Variants in ASMTL observed in about 807,000 individuals in gnomAD.
The protein encoded by ASMTL is probable bifunctional dTTP/UTP pyrophosphatase/methyltransferase protein.
Under a neutral mutation model 60.3 loss-of-function variants are expected in ASMTL, and 57 were observed. The observed-to-expected ratio is 0.95, with a 90% CI of 0.76 to 1.18. ASMTL has a LOEUF of 1.18. Ranked by LOEUF, ASMTL falls within the 50% of genes most tolerant of loss-of-function variation. The pLI is 0.00. For synonymous variants in ASMTL, 419 were observed against 373.0 expected (o/e 1.12, Z -1.42); for missense variants, 981 against 852.6 (o/e 1.15, Z -1.88).
At position 1,428,087 on chromosome X, in the gene ASMTL, C is replaced by G. The variant is rs1287570761; in HGVS notation, c.544G>C (p.Gly182Arg). 8.7e-6 allele frequency: 14 copies of G among 1,610,582 alleles called. No homozygotes were observed. The highest frequency in any genetic ancestry group is 1.2e-5 in the Non-Finnish European group (14 of 1,177,320). ...KAGGYGIQAL[G>R]GMLVESVHGD... Reference sequence around the variant, plus strand: ...TGTACGGACTCCACCAGCATGCCGCCCAGGGCCTGGATCCCGTAGCCGCCA... The same window carrying G: ...TGTACGGACTCCACCAGCATGCCGCGCAGGGCCTGGATCCCGTAGCCGCCA... The change falls in exon 7 of 13, where the codon GGC (glycine) becomes CGC (arginine). Residue 182 changes from glycine (G) to arginine (R), a missense_variant. Coordinates refer to ENST00000381317, the MANE Select transcript of ASMTL (RefSeq NM_004192.4).
At chrX:1,406,117 TAGATGGATGTATAGATGGATGCATGGATG>T (rs1384089236) in intron 12 of ASMTL, among the ~76,000 whole-genome samples, 1 of 142,788 alleles carries the variant, frequency 7.0e-6, no homozygotes, top group Non-Finnish European at 1.5e-5. Flanking sequence ...GGTAGGTAGG[TAGATGGATGTATAGATGGATGCATGGATG>T]AGATGGATGG....
rs1194186543 is a variant in ASMTL at position 1,452,880 on chromosome X, C to T, written c.-40G>A. ...GAGCCGGGCGTCCGCACTTCTGAGC[C>T]CGGAGCCCGCGGTGCGCGCAGCGCG... On this transcript the variant is annotated 5_prime_UTR_variant, in exon 1 of 13. Coordinates refer to ENST00000381317, the MANE Select transcript of ASMTL (RefSeq NM_004192.4). 4.8e-6 allele frequency: 7 copies of T among 1,445,640 alleles called. No homozygotes were observed. Among genetic ancestry groups the T allele is most frequent in the Admixed American group, 2.3e-5 (1 of 43,118 alleles). 89.6% of individuals were successfully genotyped at this position (1,445,640 alleles called of 1,614,324 possible).
chrX:1,427,830 C>G lies in ASMTL; in HGVS notation c.801G>C (p.Gln267His), dbSNP rs1458029109. The G allele has an allele frequency of 6.2e-7, 1 of 1,612,320 alleles. No homozygotes were observed. Among genetic ancestry groups the G allele is most frequent in the South Asian group, 1.1e-5 (1 of 91,038 alleles). The change falls in exon 7 of 13, where the codon CAG (glutamine) becomes CAC (histidine). Residue 267 changes from glutamine (Q) to histidine (H), a missense_variant. Coordinates refer to ENST00000381317, the MANE Select transcript of ASMTL (RefSeq NM_004192.4). ...TGTGACACTCAGCCTCTGCCGTGGC[C>G]TGTCCCGCCTCTCCCGCCTCGGCCT... is the stretch of plus-strand genomic sequence containing the variant. ...DEKAEAGEAG[Q>H]ATAEAECHRT...
intron 12 of ASMTL, among the ~76,000 whole-genome samples, chrX:1,411,451 A>G (rs1263696165): frequency 6.6e-6 from 1 of 152,166 alleles, no homozygotes; most frequent in Middle Eastern, 3.2e-3. Context: ...TGGAAACCCA[A>G]TATGCAGCCC....
intron 9 of ASMTL, among the ~76,000 whole-genome samples, chrX:1,421,448 G>A (rs1165602264): frequency 1.3e-5 from 2 of 152,094 alleles, no homozygotes; most frequent in Non-Finnish European, 2.9e-5. Context: ...TCAGCTGCTG[G>A]ATAACAGTGG....
intron 12 of ASMTL, among the ~76,000 whole-genome samples, chrX:1,412,493 G>A (rs2090067226): frequency 6.6e-6 from 1 of 152,126 alleles, no homozygotes; most frequent in South Asian, 2.1e-4. Flanking sequence ...CTCCCAAAGT[G>A]CTGGGATTAT....
At chrX:1,437,227 A>G (rs55708076) in intron 3 of ASMTL, among the ~76,000 whole-genome samples, 28,940 of 123,050 alleles carry the variant, frequency 0.24, 3,069 homozygotes, top group Middle Eastern at 0.45. Context: ...CCTCTCTCCT[A>G]GGCTTGTAGA....
rs149735285 is a variant in ASMTL at position 1,439,503 on chromosome X, C to T, written c.226-359G>A. On this transcript the variant is annotated intron_variant, in intron 2 of 12. Transcript: ENST00000381317. Reference sequence around the variant, plus strand: ...AGGGGCCCCAAACCTCCCTGAGTTACCCAGAATTAAGGCCAAAAGGTTTTT... The same window carrying T: ...AGGGGCCCCAAACCTCCCTGAGTTATCCAGAATTAAGGCCAAAAGGTTTTT... 4.4e-3 allele frequency among the ~76,000 whole-genome samples: 673 copies of T among 152,286 alleles called. 2 individuals are homozygous for T. The highest frequency in any genetic ancestry group is 7.9e-3 in the South Asian group (38 of 4,828).
intron 11 of ASMTL, 135 bp downstream of exon 11, chrX:1,417,834 ACAGT>A: frequency 3.7e-6 from 4 of 1,076,138 alleles, no homozygotes; most frequent in Admixed American, 5.7e-5. Context: ...AGCACCGTAG[ACAGT>A]CCCATTTGCA....
chrX:1,435,981 C>T (rs1227226660), intron 3 of ASMTL, among the ~76,000 whole-genome samples: 6 of 152,254 alleles, frequency 3.9e-5, no homozygotes, highest in African/African-American at 7.2e-5. Context: ...CCTGTCCCCA[C>T]GCAGCTGTCC....
At chrX:1,437,231 T>G (rs1421008250) in intron 3 of ASMTL, among the ~76,000 whole-genome samples, 1 of 152,024 alleles carries the variant, frequency 6.6e-6, no homozygotes, top group African/African-American at 2.4e-5. Flanking sequence ...TCTCCTAGGC[T>G]TGTAGACGCC....
intron 8 of ASMTL, among the ~76,000 whole-genome samples, chrX:1,422,428 G>A (rs1191806865): frequency 2.6e-5 from 4 of 152,054 alleles, no homozygotes; most frequent in South Asian, 4.2e-4. Context: ...ACACAATCAC[G>A]TAAGTCCTCA....
chrX:1,434,887 A>G, intron 5 of ASMTL, 135 bp downstream of exon 5: 1 of 853,758 alleles, frequency 1.2e-6, no homozygotes, highest in East Asian at 2.6e-5. Flanking sequence ...AACTTTCCCA[A>G]GCAGGACATA....
intron 12 of ASMTL, among the ~76,000 whole-genome samples, chrX:1,406,162 T>C (rs1227632495): frequency 6.9e-6 from 1 of 145,544 alleles, no homozygotes; most frequent in Non-Finnish European, 1.5e-5. Context: ...GATGGATGGC[T>C]GAATAGATGG....
At chrX:1,411,560 C>T (rs1402543021) in intron 12 of ASMTL, among the ~76,000 whole-genome samples, 14 of 152,052 alleles carry the variant, frequency 9.2e-5, no homozygotes, top group African/African-American at 3.1e-4. Flanking sequence ...GGCTTTGAGC[C>T]GAGATGGTGC....
chrX:1,440,174 C>T (rs1384590993), intron 2 of ASMTL, among the ~76,000 whole-genome samples: 4 of 151,898 alleles, frequency 2.6e-5, no homozygotes, highest in Non-Finnish European at 5.9e-5. Flanking sequence ...GCAAGCTCCG[C>T]CTCCCGGGTT....
chrX:1,447,349 G>C (rs1175775401), intron 1 of ASMTL, among the ~76,000 whole-genome samples: 6 of 151,664 alleles, frequency 4.0e-5, no homozygotes, highest in African/African-American at 1.5e-4. Flanking sequence ...CACCATCTTG[G>C]ACACACAACA....
intron 9 of ASMTL, 46 bp from the exon 10 acceptor site, chrX:1,419,160 G>T (rs750401740): frequency 1.3e-6 from 2 of 1,599,712 alleles, no homozygotes; most frequent in South Asian, 1.1e-5. Flanking sequence ...CACGGGGCGA[G>T]GGCTCGCCCA....
At chrX:1,429,584 G>A (rs1464514273) in intron 6 of ASMTL, among the ~76,000 whole-genome samples, 1 of 151,920 alleles carries the variant, frequency 6.6e-6, no homozygotes. Context: ...GATCACCTGA[G>A]GTCAGGAGTT....
Sources: gnomAD v4.1 joint callset for allele counts (sites outside exome capture counted in the v4.1 genomes callset) on GRCh38, gnomAD v4.1.1 for gene constraint, MANE v1.5 for transcripts, NCBI Gene and HGNC (gene_info 2026-07-23, HGNC 2026-07-21) for gene names.